The following GRM8 variants were observed in gnomAD, a reference collection of about 807,000 sequenced individuals.
The protein encoded by GRM8 is glutamate metabotropic receptor 8.
In GRM8, 47 loss-of-function variants were observed where a neutral mutation model predicts 87.2. That is an observed-to-expected ratio of 0.54 (90% confidence interval 0.43 to 0.69). The LOEUF (loss-of-function observed/expected upper bound fraction) is 0.69, where lower values mean the gene tolerates loss of function less well. Ranked by LOEUF, GRM8 falls within the 30% of genes least tolerant of loss-of-function variation. The pLI is 0.00. For missense variants in GRM8, 1,019 were observed against 1,139.2 expected, an observed-to-expected ratio of 0.89 and a Z score of 1.52; for synonymous variants, 396 against 404.5, an observed-to-expected ratio of 0.98 and a Z score of 0.25.
chr7:126,721,228 T>C (rs905370929), intron 7 of GRM8, among the ~76,000 whole-genome samples: 1 of 151,698 alleles, frequency 6.6e-6, no homozygotes, highest in African/African-American at 2.4e-5. Flanking sequence ...AGGCACACAA[T>C]TTTGGGTCTA....
chr7:126,701,385 C>A (rs972398375), intron 7 of GRM8, among the ~76,000 whole-genome samples: 9 of 152,172 alleles, frequency 5.9e-5, no homozygotes, highest in African/African-American at 2.2e-4. Flanking sequence ...ACTTATTAAT[C>A]CTTGTACCAA....
At chr7:126,666,176 A>G (rs1006616903) in intron 7 of GRM8, among the ~76,000 whole-genome samples, 3 of 152,210 alleles carry the variant, frequency 2.0e-5, no homozygotes, top group African/African-American at 7.2e-5. Context: ...GGCTATTCCA[A>G]ATAGTGTTGA....
chr7:127,064,566 C>T (rs1820925789), intron 3 of GRM8, among the ~76,000 whole-genome samples: 1 of 152,166 alleles, frequency 6.6e-6, no homozygotes, highest in Admixed American at 6.5e-5. Context: ...TCTTGCTTTT[C>T]TATCCAGCTT....
intron 3 of GRM8, among the ~76,000 whole-genome samples, chr7:127,042,479 G>T (rs181007144): frequency 6.6e-6 from 1 of 152,142 alleles, no homozygotes; most frequent in South Asian, 2.1e-4. Context: ...ACCCTTTGCA[G>T]ATTGACAAAC....
intron 6 of GRM8, among the ~76,000 whole-genome samples, chr7:126,858,717 C>T (rs1305410444): frequency 6.6e-6 from 1 of 152,162 alleles, no homozygotes; most frequent in Admixed American, 6.6e-5. Flanking sequence ...AAATGACCCT[C>T]TACTTCATGT....
intron 6 of GRM8, among the ~76,000 whole-genome samples, chr7:126,874,744 G>A (rs1431008692): frequency 1.3e-5 from 2 of 152,068 alleles, no homozygotes; most frequent in Non-Finnish European, 2.9e-5. Flanking sequence ...CTAGGCCAAT[G>A]TTCCTTCTGC....
chr7:126,962,100 T>C (rs1809381527), intron 3 of GRM8, among the ~76,000 whole-genome samples: 1 of 152,260 alleles, frequency 6.6e-6, no homozygotes, highest in South Asian at 2.1e-4. Context: ...TTACATTTTC[T>C]ATTATACAAA....
intron 6 of GRM8, among the ~76,000 whole-genome samples, chr7:126,818,650 C>T (rs569260500): frequency 6.6e-4 from 100 of 152,322 alleles, no homozygotes; most frequent in African/African-American, 2.4e-3. Flanking sequence ...GTTGTAACCA[C>T]ATCACTCTTA....
At chr7:126,845,147 T>G (rs1022503477) in intron 6 of GRM8, among the ~76,000 whole-genome samples, 1 of 152,240 alleles carries the variant, frequency 6.6e-6, no homozygotes, top group Non-Finnish European at 1.5e-5. Context: ...CAGTCTTCCA[T>G]TAACTGAGAA....
chr7:126,751,417 T>C (rs1372922605), intron 7 of GRM8, among the ~76,000 whole-genome samples: 1 of 141,192 alleles, frequency 7.1e-6, no homozygotes, highest in Non-Finnish European at 1.6e-5. Flanking sequence ...TTCTATTGTG[T>C]GTGTGTTTGC....
At chr7:126,790,168 C>A (rs1175976400) in intron 6 of GRM8, among the ~76,000 whole-genome samples, 1 of 152,012 alleles carries the variant, frequency 6.6e-6, no homozygotes, top group Non-Finnish European at 1.5e-5. Context: ...CCACAATGCT[C>A]AGCTAATTTT....
chr7:126,484,682 G>A (rs1807144108), intron 9 of GRM8, among the ~76,000 whole-genome samples: 1 of 151,894 alleles, frequency 6.6e-6, no homozygotes, highest in Non-Finnish European at 1.5e-5. Context: ...TTTTTTTAAA[G>A]TTATGCTAAA....
At chr7:126,858,269 C>T (rs1797855615) in intron 6 of GRM8, among the ~76,000 whole-genome samples, 1 of 152,156 alleles carries the variant, frequency 6.6e-6, no homozygotes. Flanking sequence ...TTCCAAGGAT[C>T]ACTGGGAGTC....
chr7:126,818,909 G>T (rs1443933191), intron 6 of GRM8, among the ~76,000 whole-genome samples: 1 of 152,080 alleles, frequency 6.6e-6, no homozygotes, highest in Non-Finnish European at 1.5e-5. Flanking sequence ...GGTATACCTT[G>T]GAATATCAAT....
chr7:126,808,937 C>A (rs1334872817), intron 6 of GRM8, among the ~76,000 whole-genome samples: 1 of 152,146 alleles, frequency 6.6e-6, no homozygotes, highest in Non-Finnish European at 1.5e-5. Context: ...AACATAGTGG[C>A]TTAAAACAAC....
intron 7 of GRM8, among the ~76,000 whole-genome samples, chr7:126,728,202 A>G (rs1328751485): frequency 6.6e-6 from 1 of 152,188 alleles, no homozygotes; most frequent in East Asian, 1.9e-4. Context: ...AGGGGACTGC[A>G]GCACATGGGT....
At chr7:127,025,467 T>C (rs1816690865) in intron 3 of GRM8, among the ~76,000 whole-genome samples, 1 of 152,084 alleles carries the variant, frequency 6.6e-6, no homozygotes, top group African/African-American at 2.4e-5. Context: ...CAAAGTGCAG[T>C]GTTTTAGCTC....
intron 9 of GRM8, among the ~76,000 whole-genome samples, chr7:126,480,425 T>C (rs990577483): frequency 6.6e-6 from 1 of 151,958 alleles, no homozygotes; most frequent in African/African-American, 2.4e-5. Context: ...AAAATGGTGT[T>C]TTGACTAGCT....
chr7:126,706,491 T>G (rs994580270), intron 7 of GRM8, among the ~76,000 whole-genome samples: 67 of 152,108 alleles, frequency 4.4e-4, no homozygotes, highest in African/African-American at 1.6e-3. Context: ...TTGGAGAAGG[T>G]CAGCCATTTT....
Sources: gnomAD v4.1 joint callset for allele counts (sites outside exome capture counted in the v4.1 genomes callset) on GRCh38, gnomAD v4.1.1 for gene constraint, MANE v1.5 for transcripts, NCBI Gene and HGNC (gene_info 2026-07-23, HGNC 2026-07-21) for gene names.